Variants in BCAS3 observed in about 807,000 individuals in gnomAD.
The protein encoded by BCAS3 is BCAS4/BCAS3 fusion.
Under a neutral mutation model 116.1 loss-of-function variants are expected in BCAS3, and 53 were observed. That is an observed-to-expected ratio of 0.46 (90% CI 0.37 to 0.57). BCAS3 has a LOEUF of 0.57. Ranked by LOEUF, BCAS3 falls within the 20% of genes least tolerant of loss-of-function variation. The probability of loss-of-function intolerance (pLI) is 0.00; values close to 1 mark genes in which losing one functional copy is unlikely to be tolerated. For missense variants in BCAS3, 917 were observed against 1,165.4 expected (o/e 0.79, Z 3.10); for synonymous variants, 391 against 408.2 (o/e 0.96, Z 0.51).
intron 22 of BCAS3, among the ~76,000 whole-genome samples, chr17:61,340,232 G>C (rs150348567): frequency 0.014 from 2,050 of 144,916 alleles, 26 homozygotes; most frequent in Middle Eastern, 0.053. Context: ...TTTAATGGAA[G>C]AAATACTAGC....
intron 19 of BCAS3, among the ~76,000 whole-genome samples, chr17:61,069,315 T>C (rs1324552941): frequency 1.3e-5 from 2 of 151,972 alleles, no homozygotes; most frequent in African/African-American, 2.4e-5. Flanking sequence ...TTGATAGTGA[T>C]GATGAATGTG....
At chr17:60,973,565 C>T (rs1289332092) in intron 14 of BCAS3, among the ~76,000 whole-genome samples, 2 of 146,134 alleles carry the variant, frequency 1.4e-5, no homozygotes, top group African/African-American at 5.4e-5. Flanking sequence ...CTGCCCTAGA[C>T]ATTGCTATTA....
chr17:60,891,756 T>A (rs536865161), intron 10 of BCAS3: 5 of 455,948 alleles, frequency 1.1e-5, no homozygotes, highest in Non-Finnish European at 2.2e-5. Flanking sequence ...ATCATCCAGA[T>A]ATTGAACATT....
rs561794614 is a variant in BCAS3 at position 61,231,671 on chromosome 17, A to G, written c.2426-136656A>G. ...GCAGGAAGACAGCTTGAGCCCAGGA[A>G]TTTGAGATCAGCCTGGGCAACATAG... On this transcript the variant is annotated intron_variant, in intron 22 of 23. Transcript: ENST00000407086. Among the ~76,000 whole-genome samples the G allele has an allele frequency of 3.9e-5, 6 of 152,138 alleles. No individual in the cohort carries two copies. In the South Asian group the frequency reaches 1.2e-3, roughly 32 times the overall value.
intron 14 of BCAS3, among the ~76,000 whole-genome samples, chr17:60,978,940 G>A (rs2062606130): frequency 7.1e-6 from 1 of 140,682 alleles, no homozygotes; most frequent in African/African-American, 2.7e-5. Context: ...GTAGTGTGAT[G>A]CCTCCAGCTT....
intron 21 of BCAS3, among the ~76,000 whole-genome samples, chr17:61,081,399 C>CT (rs978755249): frequency 1.3e-5 from 2 of 152,138 alleles, no homozygotes; most frequent in African/African-American, 4.8e-5. Flanking sequence ...GCAGATATAG[C>CT]TACTTTTCAG....
rs761460954 is a variant in BCAS3 at position 61,391,995 on chromosome 17, G to C, written c.2612G>C (p.Ser871Thr). The change falls in exon 24 of 24, where the codon AGC becomes ACC. Residue 871 changes from serine to threonine, a missense_variant. By Grantham distance (58) the Ser-to-Thr change is moderately conservative. Around this residue, in one of 3 missense-constraint regions of BCAS3, gnomAD observed 109 missense variants for 122.8 expected, o/e 0.89. Coordinates refer to ENST00000407086, the MANE Select transcript of BCAS3 (RefSeq NM_017679.5). This position sits in a 1 kb window ranked among gnomAD's most constrained non-coding sequence, Gnocchi z 7.7. ...CTTGCAGAACTTCAGCGAGAGGGAA[G>C]CATCGAGACTCTGAGTAACAGCTCA... ...GSGTELQREG[S>T]IETLSNSSGS... 2 of 1,613,828 alleles carry C rather than the reference G, an allele frequency of 1.2e-6. No homozygotes were observed. Among genetic ancestry groups the C allele is most frequent in the Non-Finnish European group, 1.7e-6 (2 of 1,179,980 alleles).
At chr17:60,717,155 A>G (rs1314440880) in intron 5 of BCAS3, among the ~76,000 whole-genome samples, 4 of 152,082 alleles carry the variant, frequency 2.6e-5, no homozygotes, top group Non-Finnish European at 5.9e-5. Flanking sequence ...ACTCCAAGCC[A>G]GTACAAACAT....
chr17:61,127,520 A>T (rs891916986), intron 22 of BCAS3, among the ~76,000 whole-genome samples: 4 of 151,954 alleles, frequency 2.6e-5, no homozygotes, highest in African/African-American at 9.7e-5. Context: ...TAGATTTAAA[A>T]TAATGAAGAT....
At chr17:60,775,349 G>A (rs562747389) in intron 6 of BCAS3, among the ~76,000 whole-genome samples, 1 of 152,128 alleles carries the variant, frequency 6.6e-6, no homozygotes, top group East Asian at 1.9e-4. Flanking sequence ...ATCAACAAGG[G>A]ACTACTATGA....
chr17:60,835,676 C>G (rs2051308007), intron 7 of BCAS3, among the ~76,000 whole-genome samples: 1 of 152,022 alleles, frequency 6.6e-6, no homozygotes, highest in African/African-American at 2.4e-5. Flanking sequence ...GAAAGAGAGG[C>G]TTTCCTGTAT....
chr17:61,234,820 G>A (rs543373140), intron 22 of BCAS3, among the ~76,000 whole-genome samples: 1 of 148,256 alleles, frequency 6.7e-6, no homozygotes, highest in African/African-American at 2.5e-5. Context: ...GTACTGCTTC[G>A]CATTTTCTCT....
At position 61,293,551 on chromosome 17, in the gene BCAS3, A is replaced by G. The variant is rs563977838; in HGVS notation, c.2426-74776A>G. Among the ~76,000 whole-genome samples the G allele has an allele frequency of 8.5e-5, 13 of 152,322 alleles. No individual in the cohort carries two copies. In the South Asian group the frequency reaches 2.3e-3, roughly 27 times the overall value. On this transcript the variant is annotated intron_variant, in intron 22 of 23. Coordinates refer to ENST00000407086, the MANE Select transcript of BCAS3 (RefSeq NM_017679.5). ...GAAGTCCCGTAGAGGATAGCAGAAC[A>G]AGGTCTTCATATTCTGTCACTTGGA... is the stretch of plus-strand genomic sequence containing the variant.
Position 61,291,948 on chromosome 17 carries a change from C to T in BCAS3, c.2426-76379C>T, listed in dbSNP as rs182099456. ...GAGGAGGAAGAGGGTGGGAGGATTG[C>T]ATCTAGTGATCCTGGAACAGTTGCT... On this transcript the variant is annotated intron_variant, in intron 22 of 23. Transcript: ENST00000407086. 2.0e-3 allele frequency among the ~76,000 whole-genome samples: 307 copies of T among 152,194 alleles called. 2 individuals are homozygous for T. Among genetic ancestry groups the T allele is most frequent in the African/African-American group, 7.3e-3 (302 of 41,536 alleles).
chr17:60,795,575 C>T (rs76717107), intron 6 of BCAS3, among the ~76,000 whole-genome samples: 2,075 of 152,240 alleles, frequency 0.014, 27 homozygotes, highest in Non-Finnish European at 0.021. Flanking sequence ...GCTTTTATTA[C>T]ATTAAGGCAT....
At chr17:60,898,849 T>C (rs1272876787) in intron 10 of BCAS3, among the ~76,000 whole-genome samples, 8 of 151,928 alleles carry the variant, frequency 5.3e-5, no homozygotes, top group Non-Finnish European at 7.4e-5. Flanking sequence ...GCTGCAGTGG[T>C]CTGGGGGTTC....
rs559331164 is a variant in BCAS3, at chr17:61,077,587, A to T, written c.2131-746A>T. Reference sequence around the variant, plus strand: ...TTCCCTATCCCCCCCATTGAGCGTGAAATTCATAAAGCATTTTGGTATTAC... The same window carrying T: ...TTCCCTATCCCCCCCATTGAGCGTGTAATTCATAAAGCATTTTGGTATTAC... On this transcript the variant is annotated intron_variant, in intron 20 of 23. Transcript: ENST00000407086. This position sits in a 1 kb window ranked among gnomAD's most constrained non-coding sequence, Gnocchi z 4.3. Among the ~76,000 whole-genome samples, 7 of 152,208 alleles carry T rather than the reference A, an allele frequency of 4.6e-5. No homozygotes were observed. Among genetic ancestry groups the T allele is most frequent in the Non-Finnish European group, 1.0e-4 (7 of 68,026 alleles).
At position 61,124,925 on chromosome 17, in the gene BCAS3, T is replaced by C. The variant is rs2143830511; in HGVS notation, c.2425+40361T>C. Among the ~76,000 whole-genome samples, 1 of 152,282 alleles carries C rather than the reference T, an allele frequency of 6.6e-6. No homozygotes were observed. Among genetic ancestry groups the C allele is most frequent in the African/African-American group, 2.4e-5 (1 of 41,554 alleles). ...TTGGCTTCCTGGAAATAGATACAGGTGACAATGGCAAAGTGAGGAGTGGGG... is the reference window on the plus strand; with the variant it reads ...TTGGCTTCCTGGAAATAGATACAGGCGACAATGGCAAAGTGAGGAGTGGGG... On this transcript the variant is annotated intron_variant, in intron 22 of 23. Coordinates refer to ENST00000407086, the MANE Select transcript of BCAS3 (RefSeq NM_017679.5). This position sits in a 1 kb window ranked among gnomAD's most constrained non-coding sequence, Gnocchi z 4.6.
chr17:60,714,849 A>G (rs778260712), intron 5 of BCAS3, among the ~76,000 whole-genome samples: 2 of 152,156 alleles, frequency 1.3e-5, no homozygotes, highest in Non-Finnish European at 2.9e-5. Flanking sequence ...TGCTTTGTAC[A>G]TGACACCAGC....
Sources: allele counts gnomAD v4.1 joint callset (sites outside exome capture counted in the v4.1 genomes callset), GRCh38; gene constraint gnomAD v4.1.1; regional missense constraint gnomAD v4.1.1; non-coding constraint Gnocchi (gnomAD v3.1); transcripts MANE v1.5; gene names NCBI Gene and HGNC (gene_info 2026-07-23, HGNC 2026-07-21).